Variants in NSF observed in about 807,000 individuals in gnomAD.
NSF encodes vesicle-fusing ATPase.
In NSF, 14 loss-of-function variants were observed where a neutral mutation model predicts 50.3. The observed-to-expected ratio is 0.28, with a 90% CI of 0.18 to 0.44. NSF has a LOEUF of 0.44. Ranked by LOEUF, NSF falls within the 20% of genes least tolerant of loss-of-function variation. The probability of loss-of-function intolerance (pLI) is 1.00; values close to 1 mark genes in which losing one functional copy is unlikely to be tolerated. For missense variants in NSF, 218 were observed against 504.3 expected, an observed-to-expected ratio of 0.43 and a Z score of 5.44; for synonymous variants, 109 against 175.7, an observed-to-expected ratio of 0.62 and a Z score of 3.00.
At chr17:46,725,108 G>A (rs1347831559) in intron 15 of NSF, among the ~76,000 whole-genome samples, 1 of 152,050 alleles carries the variant, frequency 6.6e-6, no homozygotes, top group Non-Finnish European at 1.5e-5. Flanking sequence ...TACAAAAATA[G>A]TACAATGAAT....
At chr17:46,720,500 A>G (rs1017361842) in intron 15 of NSF, among the ~76,000 whole-genome samples, 2 of 152,212 alleles carry the variant, frequency 1.3e-5, no homozygotes, top group Admixed American at 6.5e-5. Flanking sequence ...AGCTTTGCCA[A>G]AAGTTTAGGT....
intron 17 of NSF, among the ~76,000 whole-genome samples, chr17:46,743,091 G>T (rs535143441): frequency 1.2e-4 from 19 of 152,068 alleles, no homozygotes; most frequent in Non-Finnish European, 2.5e-4. Flanking sequence ...TGACTCCTTC[G>T]GAGGGGGTGT....
At chr17:46,708,198 G>C (rs1485159338) in intron 13 of NSF, among the ~76,000 whole-genome samples, 2 of 151,942 alleles carry the variant, frequency 1.3e-5, no homozygotes, top group East Asian at 3.9e-4. Flanking sequence ...AGTTCTTTCG[G>C]GTATATACTC....
rs145941022 is a variant in NSF at position 46,745,294 on chromosome 17, A to G, written c.1909-4479A>G. Among the ~76,000 whole-genome samples the G allele has an allele frequency of 5.9e-5, 9 of 152,360 alleles. 1 individual carries two copies. The highest frequency in any genetic ancestry group is 4.6e-4 in the Admixed American group (7 of 15,306). ...GAGCACTACCACTAATTAATACACA[A>G]AATGGCCCAGCACAATTTAATAATT... On this transcript the variant is annotated intron_variant, in intron 17 of 20. Transcript: ENST00000398238.
At chr17:46,625,996 G>GTT (rs1201943046) in intron 2 of NSF, among the ~76,000 whole-genome samples, 3 of 144,580 alleles carry the variant, frequency 2.1e-5, no homozygotes, top group Non-Finnish European at 4.5e-5. Flanking sequence ...TGAGAGGACT[G>GTT]TTTTTTTTTT....
At chr17:46,709,441 G>A (rs1268466541) in intron 13 of NSF, among the ~76,000 whole-genome samples, 2 of 151,846 alleles carry the variant, frequency 1.3e-5, no homozygotes, top group African/African-American at 4.8e-5. Context: ...AGCTTCTGCT[G>A]TGAGGCTTGG....
intron 15 of NSF, among the ~76,000 whole-genome samples, chr17:46,721,358 A>T (rs1479095855): frequency 3.3e-5 from 5 of 149,606 alleles, no homozygotes; most frequent in Non-Finnish European, 7.4e-5. Context: ...TTCATGAGAC[A>T]CAGGCTGACT....
At chr17:46,679,801 A>C (rs2146210597) in intron 9 of NSF, among the ~76,000 whole-genome samples, 1 of 152,132 alleles carries the variant, frequency 6.6e-6, no homozygotes, top group East Asian at 1.9e-4. Context: ...GGAGCTGGGA[A>C]AGAAACAGTG....
intron 17 of NSF, among the ~76,000 whole-genome samples, chr17:46,731,291 A>G (rs1203604648): frequency 4.6e-5 from 7 of 152,280 alleles, no homozygotes; most frequent in Admixed American, 2.0e-4. Context: ...TGGCAGATCT[A>G]TAAAGACAGA....
intron 9 of NSF, among the ~76,000 whole-genome samples, chr17:46,679,424 G>T (rs993202496): frequency 7.5e-6 from 1 of 133,870 alleles, no homozygotes; most frequent in Non-Finnish European, 1.6e-5. Context: ...GGAAAAAAAC[G>T]TTTGGGAAGT....
chr17:46,731,607 C>G (rs998775335), intron 17 of NSF, among the ~76,000 whole-genome samples: 4 of 152,040 alleles, frequency 2.6e-5, no homozygotes, highest in African/African-American at 7.2e-5. Flanking sequence ...CGTGGCCCAG[C>G]TTGGGAGAAA....
chr17:46,717,006 A>G (rs920570039), intron 15 of NSF, among the ~76,000 whole-genome samples: 6 of 152,166 alleles, frequency 3.9e-5, no homozygotes, highest in Non-Finnish European at 5.9e-5. Flanking sequence ...TTTTTTCACA[A>G]TTATAAATAA....
chr17:46,680,356 A>G (rs1054992645), intron 9 of NSF, among the ~76,000 whole-genome samples: 1 of 150,816 alleles, frequency 6.6e-6, no homozygotes, highest in Non-Finnish European at 1.5e-5. Context: ...ATCAGAGGGG[A>G]GTAATAGGCT....
intron 17 of NSF, among the ~76,000 whole-genome samples, chr17:46,744,414 T>C (rs1158271978): frequency 6.6e-6 from 1 of 152,234 alleles, no homozygotes; most frequent in Non-Finnish European, 1.5e-5. Context: ...GAGTTGCACT[T>C]TTAAACTCAC....
intron 18 of NSF, among the ~76,000 whole-genome samples, chr17:46,751,029 C>T (rs1353344771): frequency 4.6e-5 from 7 of 152,060 alleles, no homozygotes; most frequent in Non-Finnish European, 1.0e-4. Context: ...CTGAGTTGTT[C>T]AGCAGTGGTG....
chr17:46,722,225 G>T (rs922765071), intron 15 of NSF: 35 of 1,386,568 alleles, frequency 2.5e-5, no homozygotes, highest in Non-Finnish European at 3.4e-5. Context: ...AATCTCGCGA[G>T]AGCACGTCAA....
intron 1 of NSF, among the ~76,000 whole-genome samples, chr17:46,605,549 G>A (rs2057948411): frequency 7.8e-6 from 1 of 127,866 alleles, no homozygotes; most frequent in African/African-American, 2.9e-5. Context: ...CCATAAGACA[G>A]GGAGTAATAT....
intron 20 of NSF, 165 bp downstream of exon 20, chr17:46,755,534 T>C (rs1402151815): frequency 2.8e-6 from 2 of 716,018 alleles, no homozygotes; most frequent in Middle Eastern, 2.4e-4. Context: ...GGTTGTACTG[T>C]TGGTTTGCTC....
chr17:46,710,238 A>G (rs2058705779), intron 13 of NSF, among the ~76,000 whole-genome samples: 1 of 152,190 alleles, frequency 6.6e-6, no homozygotes, highest in Non-Finnish European at 1.5e-5. Context: ...ATCCAGTTCA[A>G]TTGTAAATAC....
Sources: gnomAD v4.1 joint callset for allele counts (sites outside exome capture counted in the v4.1 genomes callset) on GRCh38, gnomAD v4.1.1 for gene constraint, MANE v1.5 for transcripts, NCBI Gene and HGNC (gene_info 2026-07-23, HGNC 2026-07-21) for gene names.